The following VPS8 variants were observed in gnomAD, a reference collection of about 807,000 sequenced individuals.
The protein encoded by VPS8 is vacuolar protein sorting-associated protein 8 homolog.
Under a neutral mutation model 216.4 loss-of-function variants are expected in VPS8, and 129 were observed. The observed-to-expected ratio is 0.60, with a 90% CI of 0.52 to 0.69. The LOEUF (loss-of-function observed/expected upper bound fraction) is 0.69. VPS8 is among the 30% of genes least tolerant of loss of function. The pLI is 0.00. For missense variants in VPS8, 1,531 were observed against 1,683.5 expected (o/e 0.91, Z 1.59); for synonymous variants, 571 against 565.4 (o/e 1.01, Z -0.14).
At chr3:184,891,568 T>C (rs1732352655) in intron 22 of VPS8, among the ~76,000 whole-genome samples, 3 of 152,202 alleles carry the variant, frequency 2.0e-5, no homozygotes. Context: ...CCTTTTAAAG[T>C]ATACAATTCA....
At position 184,936,366 on chromosome 3, in the gene VPS8, A is replaced by G. The variant is rs1425575412; in HGVS notation, c.2988+31A>G. On this transcript the variant is annotated intron_variant, in intron 35 of 47. Transcript: ENST00000625842. ...TATTGCAAATATATATTGGGGAAAAATATCTAGTGGAAAGACAATTATTAA... is the reference window on the plus strand; with the variant it reads ...TATTGCAAATATATATTGGGGAAAAGTATCTAGTGGAAAGACAATTATTAA... 2 of 1,548,664 alleles carry G rather than the reference A, an allele frequency of 1.3e-6. 1 individual carries two copies. The highest frequency in any genetic ancestry group is 2.3e-5 in the South Asian group (2 of 85,826).
chr3:184,869,175 T>TAAC, intron 19 of VPS8, 139 bp downstream of exon 19: 2 of 805,084 alleles, frequency 2.5e-6, no homozygotes, highest in Non-Finnish European at 3.9e-6. Context: ...CTTATAGACT[T>TAAC]TCAGTTAAGA....
intron 46 of VPS8, among the ~76,000 whole-genome samples, chr3:185,042,048 T>A (rs1328637006): frequency 2.0e-5 from 3 of 152,214 alleles, no homozygotes; most frequent in Admixed American, 1.3e-4. Flanking sequence ...TGTTGTTTTC[T>A]ACAAATATCC....
At position 184,834,648 on chromosome 3, in the gene VPS8, GGAA is replaced by G; in HGVS notation, c.360_362del (p.Lys121del). ...TAAATGTTTTTCTTTTTTTTTTTCAGGAAGAAGAAATTACCTGATTCTTTTTCA... is the reference window on the plus strand; with the variant it reads ...TAAATGTTTTTCTTTTTTTTTTTCAGGAAGAAATTACCTGATTCTTTTTCA... On this transcript the variant is annotated inframe_deletion and splice_region_variant, in exon 5 of 48. Transcript: ENST00000625842. 3 of 1,513,058 alleles carry G rather than the reference GGAA, an allele frequency of 2.0e-6. No homozygotes were observed. The highest frequency in any genetic ancestry group is 1.3e-5 in the South Asian group (1 of 76,976). The allele number at this position is 1,513,058 out of a possible 1,614,324, so 93.7% of individuals were successfully genotyped here.
intron 1 of VPS8, 94 bp downstream of exon 1, chr3:184,812,319 C>T (rs1715294677): frequency 6.6e-6 from 1 of 152,366 alleles, no homozygotes; most frequent in South Asian, 2.1e-4. Context: ...GTCTCTGAGC[C>T]TCGGCGTCTC....
intron 37 of VPS8, among the ~76,000 whole-genome samples, chr3:184,962,196 T>C (rs1378048056): frequency 1.3e-5 from 2 of 152,244 alleles, no homozygotes; most frequent in Non-Finnish European, 2.9e-5. Context: ...TTGTTTCCAA[T>C]CTTTTGCTGT....
intron 1 of VPS8, among the ~76,000 whole-genome samples, chr3:184,821,880 G>C (rs1202289914): frequency 6.6e-6 from 1 of 152,112 alleles, no homozygotes; most frequent in African/African-American, 2.4e-5. Context: ...TTCCTCATCA[G>C]TTCCATTTTA....
intron 46 of VPS8, among the ~76,000 whole-genome samples, chr3:185,042,988 A>G (rs1712027799): frequency 6.6e-6 from 1 of 152,136 alleles, no homozygotes; most frequent in South Asian, 2.1e-4. Context: ...AACAGAAGAT[A>G]CTTAGGTTCC....
intron 46 of VPS8, among the ~76,000 whole-genome samples, chr3:185,033,755 C>G (rs1449063562): frequency 6.6e-6 from 1 of 152,174 alleles, no homozygotes; most frequent in Non-Finnish European, 1.5e-5. Context: ...ATGAGAGTTC[C>G]TATTGCTCCA....
At chr3:185,046,520 A>G (rs1712951186) in intron 46 of VPS8, among the ~76,000 whole-genome samples, 3 of 152,102 alleles carry the variant, frequency 2.0e-5, no homozygotes, top group Non-Finnish European at 4.4e-5. Flanking sequence ...GACTCAGAGG[A>G]GAGATGTGAC....
intron 25 of VPS8, among the ~76,000 whole-genome samples, chr3:184,912,248 C>T (rs957971162): frequency 3.3e-5 from 5 of 152,126 alleles, no homozygotes; most frequent in East Asian, 3.8e-4. Context: ...TTTTCTAACT[C>T]GCTCAGGTAC....
chr3:185,029,800 G>A (rs1757864236), intron 46 of VPS8, among the ~76,000 whole-genome samples: 1 of 152,152 alleles, frequency 6.6e-6, no homozygotes, highest in African/African-American at 2.4e-5. Context: ...CTGACCTCAA[G>A]CGATCCTCCC....
intron 33 of VPS8, 22 bp downstream of exon 33, chr3:184,929,686 C>G: frequency 7.2e-7 from 1 of 1,380,738 alleles, no homozygotes; most frequent in Non-Finnish European, 9.7e-7. Context: ...TACTGCTTTA[C>G]TCTTTTTTCT....
chr3:184,903,810 A>G (rs1735009003), intron 25 of VPS8, among the ~76,000 whole-genome samples: 1 of 152,126 alleles, frequency 6.6e-6, no homozygotes, highest in Non-Finnish European at 1.5e-5. Flanking sequence ...TGAGATTTTG[A>G]TAAGGATTGC....
At chr3:184,902,966 TGTAAG>T (rs965502845) in intron 25 of VPS8, among the ~76,000 whole-genome samples, 4 of 152,210 alleles carry the variant, frequency 2.6e-5, no homozygotes, top group Non-Finnish European at 5.9e-5. Context: ...TTATAAATGA[TGTAAG>T]GTAAAGTTCA....
chr3:184,884,743 A>G (rs1253502695), intron 21 of VPS8, among the ~76,000 whole-genome samples: 2 of 152,138 alleles, frequency 1.3e-5, no homozygotes, highest in Non-Finnish European at 1.5e-5. Context: ...TCTTTCTGGC[A>G]TTAAAACCCA....
intron 45 of VPS8, among the ~76,000 whole-genome samples, chr3:185,008,196 T>G (rs1378205439): frequency 2.0e-5 from 3 of 152,200 alleles, no homozygotes; most frequent in Non-Finnish European, 4.4e-5. Flanking sequence ...AGACGATTGA[T>G]CATCCTAATA....
At chr3:184,918,750 A>T (rs77312527) in intron 28 of VPS8, among the ~76,000 whole-genome samples, 2 of 152,308 alleles carry the variant, frequency 1.3e-5, no homozygotes, top group African/African-American at 4.8e-5. Context: ...ATATTAGTGG[A>T]TGGTACCTTC....
intron 36 of VPS8, among the ~76,000 whole-genome samples, chr3:184,955,675 C>G (rs971207745): frequency 2.0e-5 from 3 of 151,998 alleles, no homozygotes; most frequent in African/African-American, 4.8e-5. Flanking sequence ...TGCTAAGCCC[C>G]GTAGGACTGG....
Sources: gnomAD v4.1 joint callset for allele counts (sites outside exome capture counted in the v4.1 genomes callset) on GRCh38, gnomAD v4.1.1 for gene constraint, MANE v1.5 for transcripts, NCBI Gene and HGNC (gene_info 2026-07-23, HGNC 2026-07-21) for gene names.